The following NEDD9 variants were observed in gnomAD, a reference collection of about 807,000 sequenced individuals.
The protein encoded by NEDD9 is neural precursor cell expressed, developmentally down-regulated 9.
Under a neutral mutation model 76.6 loss-of-function variants are expected in NEDD9, and 26 were observed. That is an observed-to-expected ratio of 0.34 (90% confidence interval 0.25 to 0.47). The LOEUF (loss-of-function observed/expected upper bound fraction) is 0.47, where lower values mean the gene tolerates loss of function less well. Among genes scored for constraint, NEDD9 ranks in the 20% least tolerant of loss-of-function variants. NEDD9 has a pLI of 1.00. For missense variants in NEDD9, 937 were observed against 1,058.5 expected, an observed-to-expected ratio of 0.89 and a Z score of 1.59; for synonymous variants, 392 against 414.2, an observed-to-expected ratio of 0.95 and a Z score of 0.65.
At chr6:11,360,156 T>A (rs1479643121) in intron 1 of NEDD9, among the ~76,000 whole-genome samples, 1 of 152,172 alleles carries the variant, frequency 6.6e-6, no homozygotes, top group African/African-American at 2.4e-5. Flanking sequence ...CGAGGCTCAG[T>A]CTTGGGTGCC....
chr6:11,307,640 A>C (rs967008695), intron 2 of NEDD9, among the ~76,000 whole-genome samples: 1 of 152,152 alleles, frequency 6.6e-6, no homozygotes, highest in Non-Finnish European at 1.5e-5. Flanking sequence ...AATTATATAT[A>C]TATATATACA....
At chr6:11,313,405 A>G (rs1561829320) in intron 2 of NEDD9, among the ~76,000 whole-genome samples, 1 of 150,062 alleles carries the variant, frequency 6.7e-6, no homozygotes, top group East Asian at 2.0e-4. Context: ...GGGTGGATGG[A>G]TGGATAGATG....
intron 3 of NEDD9, among the ~76,000 whole-genome samples, chr6:11,267,383 G>GAAA: frequency 7.9e-6 from 1 of 126,378 alleles, no homozygotes. Flanking sequence ...AGATGTCTTT[G>GAAA]AAAAAAAAAA....
intron 1 of NEDD9, among the ~76,000 whole-genome samples, chr6:11,363,315 C>G (rs1401969449): frequency 6.6e-6 from 1 of 152,090 alleles, no homozygotes; most frequent in Non-Finnish European, 1.5e-5. Context: ...GGAGAAATTT[C>G]TTTGTCAGAT....
At chr6:11,282,866 G>C (rs1760564090) in intron 3 of NEDD9, among the ~76,000 whole-genome samples, 1 of 152,198 alleles carries the variant, frequency 6.6e-6, no homozygotes, top group South Asian at 2.1e-4. Context: ...AATAAGGTCA[G>C]ATCTTGTCAC....
chr6:11,327,383 C>T (rs1045528110), intron 2 of NEDD9, among the ~76,000 whole-genome samples: 7 of 152,278 alleles, frequency 4.6e-5, no homozygotes, highest in Non-Finnish European at 8.8e-5. Context: ...TATTGCACCG[C>T]GTTCATACAG....
chr6:11,346,072 G>A (rs2113528166), intron 1 of NEDD9, among the ~76,000 whole-genome samples: 1 of 152,286 alleles, frequency 6.6e-6, no homozygotes, highest in East Asian at 1.9e-4. Context: ...TCTCTGACAT[G>A]GTCTAGCGTG....
chr6:11,273,927 A>AATGTTGCCT (rs1418105917), intron 3 of NEDD9, among the ~76,000 whole-genome samples: 1 of 152,218 alleles, frequency 6.6e-6, no homozygotes, highest in Non-Finnish European at 1.5e-5. Flanking sequence ...CGAGCAAAGA[A>AATGTTGCCT]ATGTTGCCTA....
At chr6:11,278,405 T>C (rs991011278) in intron 3 of NEDD9, among the ~76,000 whole-genome samples, 1 of 152,190 alleles carries the variant, frequency 6.6e-6, no homozygotes, top group Non-Finnish European at 1.5e-5. Flanking sequence ...AAGGTTAAGA[T>C]ACTTGCTCGA....
intron 3 of NEDD9, among the ~76,000 whole-genome samples, chr6:11,275,291 C>T (rs1760392665): frequency 1.3e-5 from 2 of 152,028 alleles, no homozygotes; most frequent in Non-Finnish European, 2.9e-5. Flanking sequence ...TAAAAGGATA[C>T]AAAATTTCAG....
intron 4 of NEDD9, among the ~76,000 whole-genome samples, chr6:11,192,117 T>A (rs185825688): frequency 3.5e-4 from 54 of 152,334 alleles, no homozygotes; most frequent in African/African-American, 9.9e-4. Context: ...CACCTAGTGT[T>A]TTTTAGTTGG....
At chr6:11,300,572 A>G (rs1331518171) in intron 3 of NEDD9, among the ~76,000 whole-genome samples, 3 of 152,198 alleles carry the variant, frequency 2.0e-5, no homozygotes, top group African/African-American at 7.2e-5. Context: ...CAGATTCACC[A>G]AGGTTGAAAT....
At chr6:11,231,968 T>C (rs147021299) in intron 1 of NEDD9, among the ~76,000 whole-genome samples, 187 of 152,316 alleles carry the variant, frequency 1.2e-3, no homozygotes, top group African/African-American at 4.2e-3. Flanking sequence ...GTCAAAATTT[T>C]CCATCCTCAG....
At chr6:11,268,725 T>TCACACACACACACACACACAGA (rs1554129148) in intron 3 of NEDD9, among the ~76,000 whole-genome samples, 1 of 135,164 alleles carries the variant, frequency 7.4e-6, no homozygotes, top group Non-Finnish European at 1.6e-5. Flanking sequence ...CGAAGCTCCA[T>TCACACACACACACACACACAGA]CACACACACA....
chr6:11,234,312 A>G (rs1759556314), upstream of NEDD9, among the ~76,000 whole-genome samples: 1 of 152,208 alleles, frequency 6.6e-6, no homozygotes. Context: ...CTACCTGGAT[A>G]AAGGAGGACA....
intron 3 of NEDD9, among the ~76,000 whole-genome samples, chr6:11,245,101 C>G (rs1384092215): frequency 6.6e-6 from 1 of 152,184 alleles, no homozygotes; most frequent in Admixed American, 6.5e-5. Context: ...AGTCAATATG[C>G]TGTGTTGAAC....
intron 3 of NEDD9, chr6:11,304,986 A>T (rs2113415306): frequency 1.1e-6 from 1 of 909,174 alleles, no homozygotes; most frequent in East Asian, 6.2e-5. Context: ...TGACAATCAA[A>T]CTTGTTTTTA....
At chr6:11,264,993 C>T (rs1760178144) in intron 3 of NEDD9, among the ~76,000 whole-genome samples, 1 of 152,202 alleles carries the variant, frequency 6.6e-6, no homozygotes, top group Non-Finnish European at 1.5e-5. Context: ...GCCACTGCTC[C>T]CAGCCAGCTC....
intron 2 of NEDD9, among the ~76,000 whole-genome samples, chr6:11,203,617 A>G (rs937656360): frequency 5.9e-5 from 9 of 152,238 alleles, no homozygotes; most frequent in Admixed American, 5.9e-4. Context: ...GCAAAATCCA[A>G]GAGGATTACA....
Sources: gnomAD v4.1 joint callset for allele counts (sites outside exome capture counted in the v4.1 genomes callset) on GRCh38, gnomAD v4.1.1 for gene constraint, MANE v1.5 for transcripts, NCBI Gene and HGNC (gene_info 2026-07-23, HGNC 2026-07-21) for gene names.